The following STK40 variants were observed in gnomAD, a reference collection of about 807,000 sequenced individuals.
STK40 encodes serine/threonine kinase 40.
In STK40, 13 loss-of-function variants were observed where a neutral mutation model predicts 47.9. The observed-to-expected ratio is 0.27, with a 90% CI of 0.18 to 0.43. The LOEUF (loss-of-function observed/expected upper bound fraction) is 0.43, where lower values mean the gene tolerates loss of function less well. Ranked by LOEUF, STK40 falls within the 20% of genes least tolerant of loss-of-function variation. The probability of loss-of-function intolerance (pLI) is 1.00; values close to 1 mark genes in which losing one functional copy is unlikely to be tolerated. For synonymous variants in STK40, 225 were observed against 243.2 expected, an observed-to-expected ratio of 0.93 and a Z score of 0.69; for missense variants, 460 against 595.1, an observed-to-expected ratio of 0.77 and a Z score of 2.36.
intron 6 of STK40, among the ~76,000 whole-genome samples, chr1:36,352,711 C>A (rs772257483): frequency 6.6e-6 from 1 of 152,200 alleles, no homozygotes; most frequent in Non-Finnish European, 1.5e-5. Context: ...TCATCCTTCA[C>A]GAATTGACTC....
chr1:36,364,784 C>A (rs1440137105), intron 1 of STK40, among the ~76,000 whole-genome samples: 1 of 151,802 alleles, frequency 6.6e-6, no homozygotes, highest in African/African-American at 2.4e-5. Context: ...CGTTGCGAGA[C>A]CCATCTCAAT....
At chr1:36,376,845 C>G (rs1367857142) in intron 1 of STK40, among the ~76,000 whole-genome samples, 5 of 149,708 alleles carry the variant, frequency 3.3e-5, no homozygotes, top group Non-Finnish European at 5.9e-5. Flanking sequence ...GGTACAATCT[C>G]GGCTCATTGT....
At chr1:36,354,809 A>G (rs774844439) in intron 5 of STK40, among the ~76,000 whole-genome samples, 26 of 152,164 alleles carry the variant, frequency 1.7e-4, no homozygotes, top group South Asian at 6.2e-4. Flanking sequence ...GAAGCGGCAC[A>G]CCGGGAAGAG....
chr1:36,371,557 T>C (rs901742477), intron 1 of STK40, among the ~76,000 whole-genome samples: 3 of 149,982 alleles, frequency 2.0e-5, no homozygotes, highest in African/African-American at 7.4e-5. Context: ...AGACTCCATC[T>C]CAAAAAAAAG....
chr1:36,351,244 C>G (rs928329722), intron 6 of STK40, among the ~76,000 whole-genome samples: 1 of 152,190 alleles, frequency 6.6e-6, no homozygotes, highest in Non-Finnish European at 1.5e-5. Context: ...TTTTAAAATC[C>G]AAAGCGGGGT....
In STK40 at chr1:36,358,725, T is replaced by A. The variant is rs773303216; in HGVS notation, c.198+12A>T. 71 of 1,613,842 alleles carry A rather than the reference T, an allele frequency of 4.4e-5. No homozygotes were observed. Among genetic ancestry groups the A allele is most frequent in the Non-Finnish European group, 5.8e-5 (68 of 1,179,892 alleles). ...TGTTCCTGAGGCACCCTCACCCCCA[T>A]GTCTCACTTACCTTCAGCTGATAGA... On this transcript the variant is annotated intron_variant, in intron 3 of 10. Transcript: ENST00000373132.
Position 36,355,200 on chromosome 1 carries a change from C to A in STK40, c.570+6G>T. 6.2e-7 allele frequency: 1 copy of A among 1,613,240 alleles called. No individual in the cohort carries two copies. Among genetic ancestry groups the A allele is most frequent in the South Asian group, 1.1e-5 (1 of 91,054 alleles). On this transcript the variant is annotated splice_donor_region_variant and intron_variant, in intron 5 of 10. Coordinates refer to ENST00000373132, the MANE Select transcript of STK40 (RefSeq NM_001282547.2). ...CAGAAGGCGCAGCAGCAGGGTGTGGCCTCACCTGGTGCAGGGCCTCCACCA... is the reference window on the plus strand; with the variant it reads ...CAGAAGGCGCAGCAGCAGGGTGTGGACTCACCTGGTGCAGGGCCTCCACCA...
rs1646736298 is a variant in STK40 at position 36,349,966 on chromosome 1, A to G, written c.624-1151T>C. 2.0e-5 allele frequency among the ~76,000 whole-genome samples: 3 copies of G among 152,262 alleles called. No homozygotes were observed. The South Asian group carries it at 6.2e-4, about 32-fold the overall frequency. ...GGGGCCTTGGGCTGCCTCTCCCTAC[A>G]ATCAGCTCTCAGAGGCAGAGGGCAT... On this transcript the variant is annotated intron_variant, in intron 6 of 10. Coordinates refer to ENST00000373132, the MANE Select transcript of STK40 (RefSeq NM_001282547.2).
At chr1:36,362,600 A>C (rs144444021) in intron 1 of STK40, 269 of 152,318 alleles carry the variant, frequency 1.8e-3, no homozygotes, top group African/African-American at 6.4e-3. Flanking sequence ...GGACTCAAAA[A>C]CACAGAACTC....
rs747283676 is a variant in STK40, at chr1:36,341,774, T to C, written c.1289A>G (p.Gln430Arg). ...MTSLDTAILAQRYLRK is the reference protein window; with the variant it reads ...MTSLDTAILARRYLRK ...AGGCTGTTATTTCCGCAGGTAGCGC[T>C]GCGCCAGGATGGCCGTGTCCAAGGA... is the stretch of plus-strand genomic sequence containing the variant. The change falls in exon 11 of 11, where the codon CAG becomes CGG. Residue 430 changes from glutamine (Q) to arginine (R), a missense_variant. This residue lies in a region of STK40 where 181 missense variants were observed against 218.9 expected (regional missense o/e 0.83). Coordinates refer to ENST00000373132, the MANE Select transcript of STK40 (RefSeq NM_001282547.2). 3.1e-6 allele frequency: 5 copies of C among 1,611,624 alleles called. No individual in the cohort carries two copies. In the Admixed American group the frequency reaches 5.0e-5, roughly 16 times the overall value.
At chr1:36,360,781 G>A (rs1039572392) in intron 2 of STK40, among the ~76,000 whole-genome samples, 5 of 152,136 alleles carry the variant, frequency 3.3e-5, no homozygotes, top group Non-Finnish European at 7.3e-5. Context: ...AGCCACAAGT[G>A]ATCCTCTCAC....
chr1:36,358,590 A>C (rs552590752), intron 3 of STK40, 147 bp downstream of exon 3: 1 of 1,098,824 alleles, frequency 9.1e-7, no homozygotes, highest in Non-Finnish European at 1.3e-6. Flanking sequence ...AGTTGTTCTG[A>C]GGGAGACTGT....
At chr1:36,351,731 C>T (rs1444359117) in intron 6 of STK40, among the ~76,000 whole-genome samples, 1 of 152,212 alleles carries the variant, frequency 6.6e-6, no homozygotes, top group African/African-American at 2.4e-5. Context: ...CCCTCGACTA[C>T]ACTCCCAGGA....
At chr1:36,343,808 C>T in intron 9 of STK40, 52 bp downstream of exon 9, 1 of 1,525,704 alleles carries the variant, frequency 6.6e-7, no homozygotes, top group Non-Finnish European at 8.8e-7. Context: ...GTAGGATGGG[C>T]AGAGGCCCTG....
intron 6 of STK40, among the ~76,000 whole-genome samples, chr1:36,350,970 C>T (rs1241704245): frequency 1.3e-5 from 2 of 152,192 alleles, no homozygotes; most frequent in African/African-American, 4.8e-5. Flanking sequence ...GTGGGGGGTG[C>T]ATGGCTCCCC....
At chr1:36,378,756 G>A (rs142260184) in intron 1 of STK40, among the ~76,000 whole-genome samples, 143 of 152,116 alleles carry the variant, frequency 9.4e-4, no homozygotes, top group Admixed American at 2.7e-3. Flanking sequence ...CGTGCCAGCC[G>A]GGCCTCCTTT....
intron 1 of STK40, among the ~76,000 whole-genome samples, chr1:36,366,966 C>T (rs758279278): frequency 1.3e-5 from 2 of 151,776 alleles, no homozygotes; most frequent in South Asian, 4.2e-4. Flanking sequence ...TCCCAAGTAC[C>T]TGAGATTACA....
intron 7 of STK40, among the ~76,000 whole-genome samples, chr1:36,345,989 A>ATTTTTTTTTTTTTTT (rs1330462605): frequency 4.6e-4 from 9 of 19,584 alleles, no homozygotes; most frequent in South Asian, 2.5e-3. Context: ...ATATATATAT[A>ATTTTTTTTTTTTTTT]TATTTTTTTT....
At chr1:36,369,023 C>A (rs1347475397) in intron 1 of STK40, among the ~76,000 whole-genome samples, 6 of 152,198 alleles carry the variant, frequency 3.9e-5, no homozygotes, top group Non-Finnish European at 7.3e-5. Flanking sequence ...TTCAGAGGGA[C>A]CTGTGGCTTG....
Sources: allele counts gnomAD v4.1 joint callset (sites outside exome capture counted in the v4.1 genomes callset), GRCh38; gene constraint gnomAD v4.1.1; regional missense constraint gnomAD v4.1.1; transcripts MANE v1.5; gene names NCBI Gene and HGNC (gene_info 2026-07-23, HGNC 2026-07-21).